Variants in NCALD observed in about 807,000 individuals in gnomAD.
The protein encoded by NCALD is neurocalcin delta, also known as neurocalcin-delta.
In NCALD, 10 loss-of-function variants were observed where a neutral mutation model predicts 18.6. The observed-to-expected ratio is 0.54, with a 90% confidence interval of 0.33 to 0.91. The LOEUF (loss-of-function observed/expected upper bound fraction) is 0.91, where lower values mean the gene tolerates loss of function less well. NCALD is among the 40% of genes least tolerant of loss of function. The pLI, the probability that NCALD is intolerant of heterozygous loss-of-function variation, is 0.03. For missense variants in NCALD, 184 were observed against 247.6 expected (o/e 0.74, Z 1.72); for synonymous variants, 88 against 87.4 (o/e 1.01, Z -0.04).
intron 1 of NCALD, among the ~76,000 whole-genome samples, chr8:102,032,622 T>TAAAAAAAAAAAAAAAA (rs59283854): frequency 9.5e-6 from 1 of 104,988 alleles, no homozygotes; most frequent in East Asian, 3.0e-4. Context: ...GAAAAACTGC[T>TAAAAAAAAAAAAAAAA]AAAAAAAAAA....
intron 4 of NCALD, among the ~76,000 whole-genome samples, chr8:101,819,999 G>T (rs1325362907): frequency 6.6e-6 from 1 of 152,152 alleles, no homozygotes; most frequent in Admixed American, 6.5e-5. Flanking sequence ...TCTCTTTATT[G>T]TCTAACCATT....
chr8:101,898,966 T>G (rs776767064), intron 3 of NCALD, among the ~76,000 whole-genome samples: 21 of 152,224 alleles, frequency 1.4e-4, no homozygotes, highest in Non-Finnish European at 2.2e-4. Flanking sequence ...CTGAATATCA[T>G]TTTGGGGAGA....
rs974573444 is a variant in NCALD at position 102,116,147 on chromosome 8, T to C, written c.-210+8090A>G. On this transcript the variant is annotated intron_variant, in intron 1 of 6. Transcript: ENST00000311028. ...GCGGGAGGGATAGCATTAGGAGATA[T>C]ACCTAATGTAAATGATGAGTTAATG... 3.3e-5 allele frequency among the ~76,000 whole-genome samples: 5 copies of C among 152,180 alleles called. 1 individual carries two copies. The highest frequency in any genetic ancestry group is 3.3e-4 in the Admixed American group (5 of 15,286).
At chr8:101,822,350 T>G (rs538165546) in intron 4 of NCALD, among the ~76,000 whole-genome samples, 3 of 152,244 alleles carry the variant, frequency 2.0e-5, no homozygotes, top group Admixed American at 2.0e-4. Context: ...CATGGCAGGT[T>G]CATCCAGAAC....
At chr8:101,757,726 C>T (rs73275514) in intron 1 of NCALD, among the ~76,000 whole-genome samples, 7,383 of 152,022 alleles carry the variant, frequency 0.049, 433 homozygotes, top group African/African-American at 0.12. Context: ...TTCTCTATCC[C>T]TGTATTAATT....
intron 4 of NCALD, among the ~76,000 whole-genome samples, chr8:101,880,089 G>A (rs1816420594): frequency 6.6e-6 from 1 of 151,636 alleles, no homozygotes; most frequent in African/African-American, 2.4e-5. Context: ...GGGGGGAGGG[G>A]GGGCGGTGAG....
At chr8:101,958,119 G>A (rs751217727) in intron 2 of NCALD, among the ~76,000 whole-genome samples, 4 of 152,170 alleles carry the variant, frequency 2.6e-5, no homozygotes, top group Non-Finnish European at 5.9e-5. Flanking sequence ...TGAGAGGGTA[G>A]AACAAGTAAT....
chr8:101,701,818 G>A (rs1815281555), intron 2 of NCALD, among the ~76,000 whole-genome samples: 2 of 152,182 alleles, frequency 1.3e-5, no homozygotes, highest in Admixed American at 1.3e-4. Flanking sequence ...GCACCTGGTT[G>A]TCCTTAGACT....
At chr8:101,925,947 G>C (rs1408357880) in intron 2 of NCALD, among the ~76,000 whole-genome samples, 1 of 152,170 alleles carries the variant, frequency 6.6e-6, no homozygotes. Context: ...CACTGGGCAG[G>C]TCCTCAGGAG....
intron 3 of NCALD, among the ~76,000 whole-genome samples, chr8:101,888,652 A>G (rs1397111328): frequency 6.6e-6 from 1 of 152,024 alleles, no homozygotes; most frequent in Non-Finnish European, 1.5e-5. Context: ...CCAGGCCTCA[A>G]GTGATCCTAC....
intron 2 of NCALD, among the ~76,000 whole-genome samples, chr8:101,957,303 T>G (rs996277244): frequency 4.7e-5 from 7 of 148,552 alleles, no homozygotes; most frequent in Non-Finnish European, 9.0e-5. Context: ...TTTTTTTTTT[T>G]TTTTTTTTTT....
intron 1 of NCALD, among the ~76,000 whole-genome samples, chr8:101,735,472 T>C (rs1432685729): frequency 6.6e-6 from 1 of 151,986 alleles, no homozygotes; most frequent in Non-Finnish European, 1.5e-5. Flanking sequence ...TTCCCCAGCC[T>C]CCCCTCTCAG....
intron 1 of NCALD, among the ~76,000 whole-genome samples, chr8:101,738,884 T>TTCA (rs977378349): frequency 2.0e-5 from 3 of 152,118 alleles, no homozygotes; most frequent in African/African-American, 2.4e-5. Flanking sequence ...CTTCATCATC[T>TTCA]TCATCATCAT....
intron 4 of NCALD, among the ~76,000 whole-genome samples, chr8:101,867,057 C>A (rs754177991): frequency 3.9e-5 from 6 of 152,140 alleles, no homozygotes; most frequent in Non-Finnish European, 7.4e-5. Flanking sequence ...GGCCTTCCAC[C>A]GTTCCTCAAG....
chr8:102,000,451 G>A (rs1821410646), intron 2 of NCALD, among the ~76,000 whole-genome samples: 1 of 152,228 alleles, frequency 6.6e-6, no homozygotes, highest in East Asian at 1.9e-4. Context: ...CCACTTCTGG[G>A]GGTGGGGCAT....
chr8:102,014,242 G>T (rs140838631), intron 2 of NCALD, among the ~76,000 whole-genome samples: 3 of 152,120 alleles, frequency 2.0e-5, no homozygotes, highest in Admixed American at 6.5e-5. Flanking sequence ...CAGCAGATTC[G>T]GAATCTGGTG....
At chr8:101,858,363 C>T (rs957430519) in intron 4 of NCALD, among the ~76,000 whole-genome samples, 2 of 152,134 alleles carry the variant, frequency 1.3e-5, no homozygotes, top group African/African-American at 4.8e-5. Flanking sequence ...CACCAGATAC[C>T]TCTGAAAATA....
chr8:102,083,025 A>G (rs1824604096), intron 1 of NCALD, among the ~76,000 whole-genome samples: 1 of 152,242 alleles, frequency 6.6e-6, no homozygotes, highest in Non-Finnish European at 1.5e-5. Flanking sequence ...AGAAAAGTCA[A>G]TTTGTTTCAC....
At chr8:101,987,304 A>T (rs1820850293) in intron 2 of NCALD, among the ~76,000 whole-genome samples, 1 of 152,150 alleles carries the variant, frequency 6.6e-6, no homozygotes, top group Admixed American at 6.5e-5. Context: ...TTTAAAGCCA[A>T]TTTTTCCTGT....
Sources: allele counts gnomAD v4.1 joint callset (sites outside exome capture counted in the v4.1 genomes callset), GRCh38; gene constraint gnomAD v4.1.1; transcripts MANE v1.5; gene names NCBI Gene and HGNC (gene_info 2026-07-23, HGNC 2026-07-21).